Variants in PRKN observed in about 807,000 individuals in gnomAD.
The protein encoded by PRKN is parkin RBR E3 ubiquitin protein ligase.
A neutral mutation model predicts 59.5 loss-of-function variants in PRKN; 56 were observed. The ratio of observed to expected loss-of-function variants is 0.94; its 90% CI spans 0.76 to 1.18. The LOEUF (loss-of-function observed/expected upper bound fraction) is 1.18, where lower values mean the gene tolerates loss of function less well. Among genes scored for constraint, PRKN ranks in the 50% most tolerant of loss-of-function variants. The pLI is 0.00. For synonymous variants in PRKN, 250 were observed against 222.1 expected (o/e 1.13, Z -1.12); for missense variants, 657 against 596.4 (o/e 1.10, Z -1.06).
rs557872817 is a variant in PRKN, at chr6:161,354,890, G to C, written c.1286-4679C>G. On this transcript the variant is annotated intron_variant, in intron 11 of 11. Transcript: ENST00000366898. The surrounding 1 kb of genome is among the most constrained non-coding windows in gnomAD (Gnocchi z 6.7). ...TCACAATATTTCCAAGAAATAGCCC[G>C]ACAGGGAGAAACTTTCCTACAGTCA... 6.6e-6 allele frequency among the ~76,000 whole-genome samples: 1 copy of C among 152,186 alleles called. No homozygotes were observed. Among genetic ancestry groups the C allele is most frequent in the Admixed American group, 6.5e-5 (1 of 15,276 alleles).
At chr6:162,318,276 A>C (rs1307056765) in intron 2 of PRKN, among the ~76,000 whole-genome samples, 1 of 152,136 alleles carries the variant, frequency 6.6e-6, no homozygotes, top group Non-Finnish European at 1.5e-5. Context: ...TAATATCAGA[A>C]TATGAAAAAT....
At chr6:162,265,865 C>T (rs984406365) in intron 2 of PRKN, among the ~76,000 whole-genome samples, 2 of 152,164 alleles carry the variant, frequency 1.3e-5, no homozygotes, top group Non-Finnish European at 2.9e-5. Flanking sequence ...AGATGGCATA[C>T]TTTTATGGCA....
At chr6:162,058,309 CAG>C (rs1777947467) in intron 4 of PRKN, among the ~76,000 whole-genome samples, 2 of 152,146 alleles carry the variant, frequency 1.3e-5, no homozygotes, top group Admixed American at 6.5e-5. Flanking sequence ...TGAAACGAGT[CAG>C]GGGATAATTA....
chr6:162,457,512 A>G (rs1790937077), intron 1 of PRKN, among the ~76,000 whole-genome samples: 2 of 152,274 alleles, frequency 1.3e-5, no homozygotes, highest in South Asian at 4.1e-4. Context: ...ATGGTTTCTC[A>G]AGGTGTTTTA....
chr6:162,107,551 A>G (rs1780243643), intron 4 of PRKN, among the ~76,000 whole-genome samples: 1 of 152,212 alleles, frequency 6.6e-6, no homozygotes, highest in Admixed American at 6.5e-5. Context: ...AGAGAACAGA[A>G]GAGTTTCTCA....
rs138993744 is a variant in PRKN at position 161,666,965 on chromosome 6, T to A, written c.872-97549A>T. On this transcript the variant is annotated intron_variant, in intron 7 of 11. Transcript: ENST00000366898. ...ACCTTCTGTGCAAGAGCCAGGCACATGGGTAACTCCAGGCTTTACCCCATG... is the reference window on the plus strand; with the variant it reads ...ACCTTCTGTGCAAGAGCCAGGCACAAGGGTAACTCCAGGCTTTACCCCATG... Among the ~76,000 whole-genome samples, 13 of 152,308 alleles carry A rather than the reference T, an allele frequency of 8.5e-5. No individual in the cohort carries two copies. The East Asian group carries it at 2.5e-3, about 29-fold the overall frequency.
At chr6:162,680,655 AT>A (rs113933688) in intron 1 of PRKN, among the ~76,000 whole-genome samples, 7 of 152,146 alleles carry the variant, frequency 4.6e-5, no homozygotes, top group Admixed American at 1.3e-4. Context: ...TTGTAAATCA[AT>A]TTTTTTTAAA....
chr6:161,984,669 G>T (rs1272623683), intron 5 of PRKN, among the ~76,000 whole-genome samples: 1 of 152,136 alleles, frequency 6.6e-6, no homozygotes. Flanking sequence ...TTATCTTGGA[G>T]AAAGCTTTGA....
intron 4 of PRKN, among the ~76,000 whole-genome samples, chr6:162,112,375 A>G (rs1466294654): frequency 1.3e-5 from 2 of 152,156 alleles, no homozygotes; most frequent in Non-Finnish European, 2.9e-5. Flanking sequence ...CTTTTTTTAC[A>G]CAGAATACCT....
chr6:162,159,466 AAAT>A (rs1342574631), intron 4 of PRKN, among the ~76,000 whole-genome samples: 2 of 152,216 alleles, frequency 1.3e-5, no homozygotes, highest in East Asian at 3.8e-4. Flanking sequence ...AGAAAGTCCT[AAAT>A]AAAATGGTAA....
chr6:161,935,153 C>T (rs1416446360), intron 6 of PRKN, among the ~76,000 whole-genome samples: 1 of 152,116 alleles, frequency 6.6e-6, no homozygotes, highest in East Asian at 1.9e-4. Flanking sequence ...ACAGAAAATG[C>T]ATATTATAGA....
intron 3 of PRKN, among the ~76,000 whole-genome samples, chr6:162,220,494 A>G (rs963605540): frequency 6.6e-6 from 1 of 152,198 alleles, no homozygotes; most frequent in Non-Finnish European, 1.5e-5. Context: ...TGACTAAATC[A>G]ATCAAGGGTA....
At chr6:162,478,820 A>G (rs1792155676) in intron 1 of PRKN, among the ~76,000 whole-genome samples, 1 of 152,326 alleles carries the variant, frequency 6.6e-6, no homozygotes, top group Non-Finnish European at 1.5e-5. Flanking sequence ...ATTTGTATAT[A>G]TAAACACAAA....
intron 1 of PRKN, among the ~76,000 whole-genome samples, chr6:162,542,551 G>A (rs894910492): frequency 1.3e-5 from 2 of 152,134 alleles, no homozygotes; most frequent in Non-Finnish European, 2.9e-5. Flanking sequence ...CAGAGACAGC[G>A]TGATGCATGA....
At position 161,451,180 on chromosome 6, in the gene PRKN, G is replaced by T. The variant is rs1401934192; in HGVS notation, c.1084-64303C>A. ...TCCCAGCACCGCAGAAAATCATCTTGAACACCTCCCAAGGCCAATCTCCCA... is the reference window on the plus strand; with the variant it reads ...TCCCAGCACCGCAGAAAATCATCTTTAACACCTCCCAAGGCCAATCTCCCA... On this transcript the variant is annotated intron_variant, in intron 9 of 11. Coordinates refer to ENST00000366898, the MANE Select transcript of PRKN (RefSeq NM_004562.3). The surrounding 1 kb of genome is among the most constrained non-coding windows in gnomAD (Gnocchi z 5.9). Among the ~76,000 whole-genome samples the T allele has an allele frequency of 6.6e-6, 1 of 152,060 alleles. No individual in the cohort carries two copies. Among genetic ancestry groups the T allele is most frequent in the African/African-American group, 2.4e-5 (1 of 41,408 alleles).
chr6:161,919,065 C>CACA (rs1368829706), intron 6 of PRKN, among the ~76,000 whole-genome samples: 1 of 150,848 alleles, frequency 6.6e-6, no homozygotes, highest in African/African-American at 2.4e-5. Context: ...AGTGCAGATC[C>CACA]ACACGAAGAG....
Position 161,780,405 on chromosome 6 carries a change from G to A in PRKN, c.871+5367C>T, listed in dbSNP as rs565389022. 8.5e-5 allele frequency among the ~76,000 whole-genome samples: 13 copies of A among 152,282 alleles called. No homozygotes were observed. The South Asian group carries it at 2.3e-3, about 27-fold the overall frequency. The stretch of plus-strand genomic sequence containing the variant: ...TGTGTACCATCTCATACCCTAGCCT[G>A]TATATTGGATGGTCATATGTCATGT... On this transcript the variant is annotated intron_variant, in intron 7 of 11. Coordinates refer to ENST00000366898, the MANE Select transcript of PRKN (RefSeq NM_004562.3).
chr6:161,816,438 G>T (rs1398900598), intron 6 of PRKN, among the ~76,000 whole-genome samples: 1 of 151,994 alleles, frequency 6.6e-6, no homozygotes, highest in Non-Finnish European at 1.5e-5. Context: ...CTGTGATAGT[G>T]GTCTTACCGG....
At chr6:162,565,655 A>G (rs542723542) in intron 1 of PRKN, among the ~76,000 whole-genome samples, 1 of 152,214 alleles carries the variant, frequency 6.6e-6, no homozygotes, top group Non-Finnish European at 1.5e-5. Context: ...GTGCCATTGC[A>G]CTCCAGCCTG....
Sources: allele counts gnomAD v4.1 joint callset (sites outside exome capture counted in the v4.1 genomes callset), GRCh38; gene constraint gnomAD v4.1.1; non-coding constraint Gnocchi (gnomAD v3.1); transcripts MANE v1.5; gene names NCBI Gene and HGNC (gene_info 2026-07-23, HGNC 2026-07-21).